The following ST6GALNAC3 variants were observed in gnomAD, a reference collection of about 807,000 sequenced individuals.
ST6GALNAC3 encodes the protein ST6 N-acetylgalactosaminide alpha-2,6-sialyltransferase 3, also known as alpha-N-acetylgalactosaminide alpha-2,6-sialyltransferase 3.
ST6GALNAC3 carries 25 observed loss-of-function variants against 32.7 expected under a neutral mutation model. The ratio of observed to expected loss-of-function variants is 0.76; its 90% CI spans 0.56 to 1.07. ST6GALNAC3 has a LOEUF of 1.07. ST6GALNAC3 is among the 50% of genes least tolerant of loss of function. The probability of loss-of-function intolerance (pLI) is 0.00; values close to 1 mark genes in which losing one functional copy is unlikely to be tolerated. For missense variants in ST6GALNAC3, 355 were observed against 382.4 expected (o/e 0.93, Z 0.60); for synonymous variants, 129 against 133.1 (o/e 0.97, Z 0.21).
rs897313278 is a variant in ST6GALNAC3, at chr1:76,244,707, G to T, written c.19-69098G>T. ...CTGCATCTATTGAGATAATCATGTG[G>T]TTTTTGTCATTGGTTCTGTTTATGT... is the stretch of plus-strand genomic sequence containing the variant. On this transcript the variant is annotated intron_variant, in intron 1 of 4. Coordinates refer to ENST00000328299, the MANE Select transcript of ST6GALNAC3 (RefSeq NM_152996.4). Among the ~76,000 whole-genome samples the T allele has an allele frequency of 3.9e-5, 6 of 152,200 alleles. No homozygotes were observed. In the South Asian group the frequency reaches 6.2e-4, roughly 16 times the overall value.
chr1:76,127,445 A>T (rs888525138), intron 1 of ST6GALNAC3, among the ~76,000 whole-genome samples: 3 of 152,232 alleles, frequency 2.0e-5, no homozygotes, highest in African/African-American at 7.2e-5. Context: ...CTTAATTGCA[A>T]ATTTGAAATG....
intron 3 of ST6GALNAC3, among the ~76,000 whole-genome samples, chr1:76,453,866 G>A (rs988357466): frequency 6.6e-6 from 1 of 152,104 alleles, no homozygotes; most frequent in Non-Finnish European, 1.5e-5. Context: ...GTCTAGTGCT[G>A]TCAGTGGAGT....
intron 3 of ST6GALNAC3, among the ~76,000 whole-genome samples, chr1:76,590,632 T>A (rs1341635434): frequency 2.0e-5 from 3 of 152,204 alleles, no homozygotes; most frequent in Non-Finnish European, 1.5e-5. Context: ...AAATTAATAA[T>A]TTTCTTAGGC....
At position 76,536,346 on chromosome 1, in the gene ST6GALNAC3, A is replaced by G. The variant is rs1350881986; in HGVS notation, c.624-91106A>G. Among the ~76,000 whole-genome samples the G allele has an allele frequency of 2.0e-5, 3 of 152,240 alleles. No individual in the cohort carries two copies. The East Asian group carries it at 5.8e-4, about 29-fold the overall frequency. On this transcript the variant is annotated intron_variant, in intron 3 of 4. Coordinates refer to ENST00000328299, the MANE Select transcript of ST6GALNAC3 (RefSeq NM_152996.4). ...TTTATAAAGGAAAGAGATTTAATTG[A>G]CTCACAGTTCAGCATGGCTGGGGAG...
intron 1 of ST6GALNAC3, among the ~76,000 whole-genome samples, chr1:76,136,207 A>G (rs1649939906): frequency 6.6e-6 from 1 of 152,242 alleles, no homozygotes. Flanking sequence ...ACCAAATTCA[A>G]AGGGTTTACT....
chr1:76,621,270 T>C (rs1207794052), intron 3 of ST6GALNAC3, among the ~76,000 whole-genome samples: 13 of 152,102 alleles, frequency 8.5e-5, no homozygotes, highest in African/African-American at 2.9e-4. Context: ...AAGTACAGTC[T>C]TCCTCTAAGC....
chr1:76,239,518 G>T lies in ST6GALNAC3; in HGVS notation c.19-74287G>T, dbSNP rs2783987. ...TTACTCATGGCAGAAGGCAAAGGGG[G>T]AGCAGGTGTGTCACATGGTGAGAGA... On this transcript the variant is annotated intron_variant, in intron 1 of 4. Transcript: ENST00000328299. 1.8e-3 allele frequency among the ~76,000 whole-genome samples: 280 copies of T among 152,242 alleles called. 1 individual carries two copies. Among genetic ancestry groups the T allele is most frequent in the African/African-American group, 6.6e-3 (273 of 41,528 alleles).
In ST6GALNAC3 at chr1:76,187,321, G is replaced by A. The variant is rs376425628; in HGVS notation, c.18+112437G>A. ...TTGCTTACTTGATATTCCATTGTGA[G>A]ATCTCAGAATAAAGTAAAGGTAGGC... On this transcript the variant is annotated intron_variant, in intron 1 of 4. Transcript: ENST00000328299. Among the ~76,000 whole-genome samples, 62 of 152,214 alleles carry A rather than the reference G, an allele frequency of 4.1e-4. 3 individuals carry two copies. The highest frequency in any genetic ancestry group is 1.5e-3 in the African/African-American group (61 of 41,526).
intron 1 of ST6GALNAC3, among the ~76,000 whole-genome samples, chr1:76,139,815 C>T (rs1650205151): frequency 6.6e-6 from 1 of 152,146 alleles, no homozygotes; most frequent in Admixed American, 6.5e-5. Context: ...CTCGCCTGTG[C>T]AATGATGATC....
At chr1:76,534,364 C>T (rs1356354890) in intron 3 of ST6GALNAC3, among the ~76,000 whole-genome samples, 3 of 152,074 alleles carry the variant, frequency 2.0e-5, no homozygotes, top group Admixed American at 2.0e-4. Context: ...CTTTAAAGTC[C>T]ATCCATGTCT....
chr1:76,570,611 C>A (rs1665804750), intron 3 of ST6GALNAC3, among the ~76,000 whole-genome samples: 1 of 152,120 alleles, frequency 6.6e-6, no homozygotes, highest in Admixed American at 6.6e-5. Context: ...TTTATACTAA[C>A]ACATGAATAA....
At chr1:76,309,785 C>T (rs1646721219) in intron 1 of ST6GALNAC3, among the ~76,000 whole-genome samples, 1 of 152,138 alleles carries the variant, frequency 6.6e-6, no homozygotes, top group East Asian at 1.9e-4. Context: ...CTCCCAGTGG[C>T]ACACAGAGGA....
chr1:76,409,539 G>GA (rs35554844), intron 2 of ST6GALNAC3, among the ~76,000 whole-genome samples: 12 of 150,142 alleles, frequency 8.0e-5, no homozygotes, highest in Middle Eastern at 3.4e-3. Flanking sequence ...TTTTATAGTA[G>GA]AAAAAAAAAC....
At chr1:76,152,055 C>T (rs1396853401) in intron 1 of ST6GALNAC3, among the ~76,000 whole-genome samples, 1 of 152,168 alleles carries the variant, frequency 6.6e-6, no homozygotes, top group East Asian at 1.9e-4. Flanking sequence ...GTCCTTCCCA[C>T]CATGGGCTCT....
intron 3 of ST6GALNAC3, among the ~76,000 whole-genome samples, chr1:76,539,578 C>T (rs904408815): frequency 6.6e-6 from 1 of 152,046 alleles, no homozygotes; most frequent in Non-Finnish European, 1.5e-5. Context: ...CGTGAACAGG[C>T]AACCTGCACC....
At chr1:76,418,592 A>T (rs949383457) in intron 3 of ST6GALNAC3, among the ~76,000 whole-genome samples, 7 of 152,138 alleles carry the variant, frequency 4.6e-5, no homozygotes, top group African/African-American at 1.7e-4. Flanking sequence ...AGACAGTATT[A>T]AAAACAGTAT....
intron 3 of ST6GALNAC3, among the ~76,000 whole-genome samples, chr1:76,542,934 G>A (rs181344585): frequency 6.6e-6 from 1 of 152,196 alleles, no homozygotes; most frequent in Admixed American, 6.6e-5. Flanking sequence ...TGCCCTCTGT[G>A]GGGTTGTTTC....
chr1:76,311,975 A>G (rs187484530), intron 1 of ST6GALNAC3, among the ~76,000 whole-genome samples: 122 of 152,286 alleles, frequency 8.0e-4, no homozygotes, highest in African/African-American at 2.9e-3. Context: ...TTACCATTCT[A>G]ACTGGTGTGA....
intron 2 of ST6GALNAC3, among the ~76,000 whole-genome samples, chr1:76,366,733 A>G (rs1306271724): frequency 1.3e-5 from 2 of 152,142 alleles, no homozygotes; most frequent in Non-Finnish European, 2.9e-5. Context: ...TACACACACA[A>G]GTACTGAAAA....
Sources: gnomAD v4.1 joint callset for allele counts (sites outside exome capture counted in the v4.1 genomes callset) on GRCh38, gnomAD v4.1.1 for gene constraint, MANE v1.5 for transcripts, NCBI Gene and HGNC (gene_info 2026-07-23, HGNC 2026-07-21) for gene names.